Variants in CHL1 observed in about 807,000 individuals in gnomAD.
The protein encoded by CHL1 is neural cell adhesion molecule L1-like protein.
CHL1 carries 96 observed loss-of-function variants against 141.9 expected under a neutral mutation model. The ratio of observed to expected loss-of-function variants is 0.68; its 90% CI spans 0.57 to 0.80. The LOEUF (loss-of-function observed/expected upper bound fraction) is 0.80. Among genes scored for constraint, CHL1 ranks in the 30% least tolerant of loss-of-function variants. The pLI is 0.00. For missense variants in CHL1, 1,820 were observed against 1,457.2 expected (o/e 1.25, Z -4.05); for synonymous variants, 613 against 502.2 (o/e 1.22, Z -2.95).
chr3:277,631 G>A (rs17018278), intron 2 of CHL1, among the ~76,000 whole-genome samples: 2,592 of 152,218 alleles, frequency 0.017, 76 homozygotes, highest in African/African-American at 0.059. Context: ...TGCAAAAAAA[G>A]GGCATTCAGA....
chr3:234,885 A>G (rs936722325), intron 1 of CHL1, among the ~76,000 whole-genome samples: 1 of 152,228 alleles, frequency 6.6e-6, no homozygotes, highest in Non-Finnish European at 1.5e-5. Flanking sequence ...AATGCTTCAT[A>G]ATAGTGATGT....
At chr3:319,234 A>G (rs1700372327) in intron 2 of CHL1, among the ~76,000 whole-genome samples, 2 of 151,896 alleles carry the variant, frequency 1.3e-5, no homozygotes, top group Middle Eastern at 3.4e-3. Flanking sequence ...GGGGGAGGGT[A>G]AGAAGGAGTG....
chr3:369,477 T>C (rs560288670), intron 15 of CHL1, among the ~76,000 whole-genome samples: 1 of 152,384 alleles, frequency 6.6e-6, no homozygotes, highest in South Asian at 2.1e-4. Flanking sequence ...TAAAATTGCT[T>C]ATCAGTTCAA....
At position 349,370 on chromosome 3, in the gene CHL1, A is replaced by G. The variant is rs1446487726; in HGVS notation, c.860A>G (p.Gln287Arg). 3 of 1,612,310 alleles carry G rather than the reference A, an allele frequency of 1.9e-6. No homozygotes were observed. The highest frequency in any genetic ancestry group is 1.3e-5 in the African/African-American group (1 of 74,820). ...ECFAEGLPTP[Q>R]VDWNKIGGDL... ...ACTATTTTTTGCAGGCCAACTCCAC[A>G]GGTTGATTGGAACAAAATTGGTGGT... Residue 287 changes from glutamine (Q) to arginine (R), a missense_variant, in exon 10 of 28, where the codon CAG becomes CGG. Transcript: ENST00000256509.
intron 2 of CHL1, among the ~76,000 whole-genome samples, chr3:300,397 G>A (rs1021764139): frequency 6.6e-6 from 1 of 152,180 alleles, no homozygotes; most frequent in African/African-American, 2.4e-5. Flanking sequence ...TGGGATAGAA[G>A]ACATGGATTT....
chr3:320,649 C>T (rs1034369032), intron 3 of CHL1, among the ~76,000 whole-genome samples: 5 of 151,670 alleles, frequency 3.3e-5, no homozygotes, highest in East Asian at 1.9e-4. Flanking sequence ...ATCACACCTG[C>T]GAATAGACAT....
chr3:253,797 G>A (rs555090351), intron 2 of CHL1, among the ~76,000 whole-genome samples: 1 of 151,992 alleles, frequency 6.6e-6, no homozygotes, highest in African/African-American at 2.4e-5. Context: ...AATATTGGAC[G>A]AATAAATGGA....
At chr3:234,459 A>T (rs374984897) in intron 1 of CHL1, among the ~76,000 whole-genome samples, 3 of 152,158 alleles carry the variant, frequency 2.0e-5, no homozygotes, top group Non-Finnish European at 4.4e-5. Context: ...CGTAGTTATC[A>T]AGACTAAAAT....
chr3:197,627 G>GC (rs1698455243), intron 1 of CHL1: 1 of 325,614 alleles, frequency 3.1e-6, no homozygotes, highest in Non-Finnish European at 5.9e-6. Context: ...CTAGATCCCA[G>GC]CCCGGGGGGG....
intron 24 of CHL1, among the ~76,000 whole-genome samples, 176 bp from the exon 25 acceptor site, chr3:398,051 A>G (rs1299173546): frequency 6.6e-6 from 1 of 152,144 alleles, no homozygotes; most frequent in African/African-American, 2.4e-5. Flanking sequence ...ACTCAATTTC[A>G]TTATATTAAA....
chr3:346,367 A>G (rs1048198960), intron 9 of CHL1, among the ~76,000 whole-genome samples: 4 of 152,216 alleles, frequency 2.6e-5, no homozygotes, highest in African/African-American at 7.2e-5. Context: ...GATGGCAACA[A>G]CCTGCTCTAC....
chr3:311,364 CTTTT>C (rs34996009), intron 2 of CHL1, among the ~76,000 whole-genome samples: 2 of 139,480 alleles, frequency 1.4e-5, no homozygotes, highest in African/African-American at 2.6e-5. Flanking sequence ...GACCACACAA[CTTTT>C]TTTTTTTTTT....
intron 2 of CHL1, among the ~76,000 whole-genome samples, chr3:301,765 T>G (rs543432964): frequency 6.6e-6 from 1 of 152,340 alleles, no homozygotes; most frequent in South Asian, 2.1e-4. Flanking sequence ...TTTATTATTA[T>G]TATACTTTAA....
chr3:310,685 A>G (rs926763287), intron 2 of CHL1, among the ~76,000 whole-genome samples: 3 of 152,198 alleles, frequency 2.0e-5, no homozygotes, highest in African/African-American at 7.2e-5. Context: ...TCCGTTATCA[A>G]CACCACCAGC....
intron 2 of CHL1, among the ~76,000 whole-genome samples, chr3:263,144 C>T (rs1439890167): frequency 6.6e-6 from 1 of 152,130 alleles, no homozygotes; most frequent in Non-Finnish European, 1.5e-5. Flanking sequence ...TCCAGATGTG[C>T]CAGCACTGAA....
intron 11 of CHL1, 78 bp from the exon 12 acceptor site, chr3:360,206 G>C: frequency 4.0e-6 from 6 of 1,496,598 alleles, no homozygotes; most frequent in Non-Finnish European, 5.5e-6. Context: ...TAAATACTGT[G>C]TGACACATTT....
At chr3:353,190 C>T (rs1196029333) in intron 10 of CHL1, among the ~76,000 whole-genome samples, 2 of 152,128 alleles carry the variant, frequency 1.3e-5, no homozygotes, top group Admixed American at 6.5e-5. Context: ...AGAAGATTTA[C>T]AGAAATATCA....
intron 1 of CHL1, among the ~76,000 whole-genome samples, chr3:224,774 A>C (rs1057458057): frequency 1.3e-5 from 2 of 152,218 alleles, no homozygotes; most frequent in Admixed American, 1.3e-4. Context: ...TAATTTTGCA[A>C]ACGTAGCTTC....
intron 2 of CHL1, among the ~76,000 whole-genome samples, chr3:285,596 C>T (rs1697053783): frequency 6.6e-6 from 1 of 152,198 alleles, no homozygotes; most frequent in Non-Finnish European, 1.5e-5. Context: ...CAGCTGTGTA[C>T]TCTCAGGCAA....
Sources: gnomAD v4.1 joint callset for allele counts (sites outside exome capture counted in the v4.1 genomes callset) on GRCh38, gnomAD v4.1.1 for gene constraint, MANE v1.5 for transcripts, NCBI Gene and HGNC (gene_info 2026-07-23, HGNC 2026-07-21) for gene names.